The following PPARA variants were observed in gnomAD, a reference collection of about 807,000 sequenced individuals.
PPARA encodes peroxisome proliferator activated receptor alpha.
A neutral mutation model predicts 42.2 loss-of-function variants in PPARA; 22 were observed. The ratio of observed to expected loss-of-function variants is 0.52; its 90% CI spans 0.37 to 0.74. The LOEUF is 0.74. PPARA is among the 30% of genes least tolerant of loss of function. The pLI, the probability that PPARA is intolerant of heterozygous loss-of-function variation, is 0.00. For missense variants in PPARA, 465 were observed against 608.2 expected (o/e 0.76, Z 2.48); for synonymous variants, 242 against 239.3 (o/e 1.01, Z -0.10).
chr22:46,150,805 TCCCGGGGA>T lies in PPARA; in HGVS notation c.-210+161_-210+168del, dbSNP rs1346927834. The T allele has an allele frequency of 6.7e-6, 1 of 148,954 alleles. No individual in the cohort carries two copies. Among genetic ancestry groups the T allele is most frequent in the Non-Finnish European group, 1.5e-5 (1 of 67,174 alleles). 9.2% of individuals were successfully genotyped at this position (148,954 alleles called of 1,614,324 possible). ...GGCCCGGGGTCTCGGGGTCTCCGGG[TCCCGGGGA>T]CCCGGGGGCCCGGGGTGCGCGGCTG... On this transcript the variant is annotated intron_variant, in intron 1 of 8. Transcript: ENST00000407236. This position sits in a 1 kb window ranked among gnomAD's most constrained non-coding sequence, Gnocchi z 7.5.
chr22:46,210,006 A>T (rs1343486750), intron 4 of PPARA, among the ~76,000 whole-genome samples: 1 of 152,040 alleles, frequency 6.6e-6, no homozygotes, highest in Non-Finnish European at 1.5e-5. Context: ...TGGCCTCCCA[A>T]CGTGTTGGGA....
chr22:46,235,497 G>T lies in PPARA; in HGVS notation c.*117G>T. Reference sequence around the variant, plus strand: ...TCCACCACTTTAACCTTAGAGCTTGGACAGTCTGAGCTGTAGGTAACCGGC... The same window carrying T: ...TCCACCACTTTAACCTTAGAGCTTGTACAGTCTGAGCTGTAGGTAACCGGC... On this transcript the variant is annotated 3_prime_UTR_variant, in exon 9 of 9. Coordinates refer to ENST00000407236, the MANE Select transcript of PPARA (RefSeq NM_005036.6). This position sits in a 1 kb window ranked among gnomAD's most constrained non-coding sequence, Gnocchi z 7.0. 3 of 1,365,776 alleles carry T rather than the reference G, an allele frequency of 2.2e-6. No individual in the cohort carries two copies. The South Asian group carries it at 3.8e-5, about 17-fold the overall frequency. 84.6% of individuals were successfully genotyped at this position (1,365,776 alleles called of 1,614,324 possible).
chr22:46,222,673 T>C lies in PPARA; in HGVS notation c.711+2659T>C, dbSNP rs564422735. Among the ~76,000 whole-genome samples, 120 of 152,218 alleles carry C rather than the reference T, an allele frequency of 7.9e-4. 1 individual carries two copies. Among genetic ancestry groups the C allele is most frequent in the Admixed American group, 1.9e-3 (29 of 15,286 alleles). On this transcript the variant is annotated intron_variant, in intron 7 of 8. Transcript: ENST00000407236. This position sits in a 1 kb window ranked among gnomAD's most constrained non-coding sequence, Gnocchi z 5.9. ...TGGATATGATTAGTACAGCCCAAAATTGGGATGGCTAAAACTTTTGTTTGC... is the reference window on the plus strand; with the variant it reads ...TGGATATGATTAGTACAGCCCAAAACTGGGATGGCTAAAACTTTTGTTTGC...
In PPARA at chr22:46,190,273, G is replaced by A. The variant is rs1931368364; in HGVS notation, c.-42-8069G>A. On this transcript the variant is annotated intron_variant, in intron 3 of 8. Transcript: ENST00000407236. The surrounding 1 kb of genome is among the most constrained non-coding windows in gnomAD (Gnocchi z 5.6). Reference sequence around the variant, plus strand: ...GACTTCCATCCTTTACCCTCAAAGTGTTCCATGAGGTTGGATCAGACATCA... The same window carrying A: ...GACTTCCATCCTTTACCCTCAAAGTATTCCATGAGGTTGGATCAGACATCA... Among the ~76,000 whole-genome samples the A allele has an allele frequency of 6.6e-6, 1 of 152,204 alleles. No individual in the cohort carries two copies. The highest frequency in any genetic ancestry group is 1.5e-5 in the Non-Finnish European group (1 of 68,034).
intron 4 of PPARA, among the ~76,000 whole-genome samples, chr22:46,205,142 G>A (rs1447348641): frequency 6.6e-6 from 1 of 151,974 alleles, no homozygotes; most frequent in East Asian, 1.9e-4. Context: ...GGGATTACAG[G>A]TGTGAGCCAT....
At chr22:46,215,918 C>T (rs926703059) in intron 5 of PPARA, among the ~76,000 whole-genome samples, 1 of 152,146 alleles carries the variant, frequency 6.6e-6, no homozygotes, top group African/African-American at 2.4e-5. Flanking sequence ...CAAGGTGGAA[C>T]ACTTTCATCC....
At position 46,240,558 on chromosome 22, in the gene PPARA, T is replaced by A. The variant is rs1364799128; in HGVS notation, c.*5178T>A. Reference sequence around the variant, plus strand: ...TTCTTTCACATTCAGAAAAGTAGTATAGATTCAGGAGAGGCAAGAAAATTA... The same window carrying A: ...TTCTTTCACATTCAGAAAAGTAGTAAAGATTCAGGAGAGGCAAGAAAATTA... On this transcript the variant is annotated 3_prime_UTR_variant, in exon 9 of 9. Coordinates refer to ENST00000407236, the MANE Select transcript of PPARA (RefSeq NM_005036.6). The surrounding 1 kb of genome is among the most constrained non-coding windows in gnomAD (Gnocchi z 6.0). 3.8e-6 allele frequency: 1 copy of A among 260,674 alleles called. No individual in the cohort carries two copies. The highest frequency in any genetic ancestry group is 7.2e-6 in the Non-Finnish European group (1 of 139,174). The allele number at this position is 260,674 out of a possible 1,614,324, so 16.1% of individuals were successfully genotyped here.
chr22:46,228,831 G>A (rs893822184), intron 7 of PPARA, among the ~76,000 whole-genome samples: 8 of 152,112 alleles, frequency 5.3e-5, no homozygotes, highest in Admixed American at 2.0e-4. Flanking sequence ...TTGGCTGGGC[G>A]TGGTGGCTCA....
At chr22:46,155,016 A>C (rs1288600630) in intron 2 of PPARA, 1 of 144,236 alleles carries the variant, frequency 6.9e-6, no homozygotes, top group Non-Finnish European at 1.5e-5. Context: ...AAAAAAAAAA[A>C]AAAAAAAAAA....
chr22:46,220,684 G>A (rs964257403), intron 7 of PPARA: 1 of 152,942 alleles, frequency 6.5e-6, no homozygotes, highest in Non-Finnish European at 1.5e-5. Context: ...GGTCATGCCT[G>A]TAATCCTGGC....
intron 4 of PPARA, among the ~76,000 whole-genome samples, chr22:46,199,494 A>T (rs1033193802): frequency 6.6e-6 from 1 of 152,144 alleles, no homozygotes; most frequent in African/African-American, 2.4e-5. Context: ...ATTAAAAAAA[A>T]TTAGCCAGGC....
At position 46,190,461 on chromosome 22, in the gene PPARA, A is replaced by G. The variant is rs914337333; in HGVS notation, c.-42-7881A>G. Reference sequence around the variant, plus strand: ...ATTGTTCTGGAGGCTTTTGTATCACATATAAGTTCCAGGCTGGGTATGATG... The same window carrying G: ...ATTGTTCTGGAGGCTTTTGTATCACGTATAAGTTCCAGGCTGGGTATGATG... On this transcript the variant is annotated intron_variant, in intron 3 of 8. Coordinates refer to ENST00000407236, the MANE Select transcript of PPARA (RefSeq NM_005036.6). The surrounding 1 kb of genome is among the most constrained non-coding windows in gnomAD (Gnocchi z 5.6). Among the ~76,000 whole-genome samples the G allele has an allele frequency of 2.0e-5, 3 of 152,222 alleles. No homozygotes were observed. The highest frequency in any genetic ancestry group is 4.4e-5 in the Non-Finnish European group (3 of 68,032).
At chr22:46,169,500 C>A (rs1002980689) in intron 2 of PPARA, among the ~76,000 whole-genome samples, 4 of 151,846 alleles carry the variant, frequency 2.6e-5, no homozygotes, top group African/African-American at 9.7e-5. Flanking sequence ...TCCCAAAGTG[C>A]TGGGATTACA....
intron 4 of PPARA, 134 bp from the exon 5 acceptor site, chr22:46,215,039 C>A: frequency 1.8e-6 from 2 of 1,089,580 alleles, no homozygotes; most frequent in Non-Finnish European, 2.7e-6. Flanking sequence ...CAGGGCCCGG[C>A]CCCGCATGGG....
chr22:46,231,758 A>G lies in PPARA; in HGVS notation c.712-34A>G. 1 of 1,601,204 alleles carries G rather than the reference A, an allele frequency of 6.2e-7. No individual in the cohort carries two copies. The highest frequency in any genetic ancestry group is 8.5e-7 in the Non-Finnish European group (1 of 1,172,440). On this transcript the variant is annotated intron_variant, in intron 7 of 8. Transcript: ENST00000407236. The surrounding 1 kb of genome is among the most constrained non-coding windows in gnomAD (Gnocchi z 7.7). ...TAGCTGGGAGCATAGCGCATCCCAC[A>G]TCACCTGACTTACCTTGGTGTCCTC... is the stretch of plus-strand genomic sequence containing the variant.
intron 4 of PPARA, among the ~76,000 whole-genome samples, chr22:46,214,679 TCC>T (rs1277796139): frequency 7.5e-6 from 1 of 132,600 alleles, no homozygotes; most frequent in African/African-American, 2.9e-5. Flanking sequence ...GACGCGCGGG[TCC>T]GGAGATGCGT....
chr22:46,196,056 G>C lies in PPARA; in HGVS notation c.-42-2286G>C, dbSNP rs947668454. 3.9e-5 allele frequency among the ~76,000 whole-genome samples: 6 copies of C among 152,290 alleles called. No homozygotes were observed. Among genetic ancestry groups the C allele is most frequent in the Non-Finnish European group, 8.8e-5 (6 of 68,032 alleles). On this transcript the variant is annotated intron_variant, in intron 3 of 8. Transcript: ENST00000407236. The surrounding 1 kb of genome is among the most constrained non-coding windows in gnomAD (Gnocchi z 5.6). ...TCTCAGCGCTGCTGCGTTTCCAGGA[G>C]GTAGAAGAACAGTGACAAGTGCACA...
chr22:46,157,342 A>C (rs1388107075), intron 2 of PPARA, among the ~76,000 whole-genome samples: 1 of 152,224 alleles, frequency 6.6e-6, no homozygotes, highest in Non-Finnish European at 1.5e-5. Flanking sequence ...ACAGGAGTGC[A>C]GACAGCGGCA....
rs1390260601 is a variant in PPARA at position 46,236,637 on chromosome 22, T to C, written c.*1257T>C. On this transcript the variant is annotated 3_prime_UTR_variant, in exon 9 of 9. Transcript: ENST00000407236. This position sits in a 1 kb window ranked among gnomAD's most constrained non-coding sequence, Gnocchi z 5.2. Reference sequence around the variant, plus strand: ...TTTTGTTATGTTGCTTTTAAAGATATGATGTTTTATTGTTTTAACTCTTGG... The same window carrying C: ...TTTTGTTATGTTGCTTTTAAAGATACGATGTTTTATTGTTTTAACTCTTGG... 1.3e-5 allele frequency: 2 copies of C among 152,660 alleles called. No homozygotes were observed. The highest frequency in any genetic ancestry group is 2.4e-5 in the African/African-American group (1 of 41,470). 9.5% of individuals were successfully genotyped at this position (152,660 alleles called of 1,614,324 possible). A position where few individuals can be genotyped will look rare whatever the true frequency, so the allele number is the denominator to read the frequency against.
Sources: allele counts gnomAD v4.1 joint callset (sites outside exome capture counted in the v4.1 genomes callset), GRCh38; gene constraint gnomAD v4.1.1; non-coding constraint Gnocchi (gnomAD v3.1); transcripts MANE v1.5; gene names NCBI Gene and HGNC (gene_info 2026-07-23, HGNC 2026-07-21).